The following STK32B variants were observed in gnomAD, a reference collection of about 807,000 sequenced individuals.
STK32B encodes the protein serine/threonine-protein kinase 32B.
STK32B carries 43 observed loss-of-function variants against 52.6 expected under a neutral mutation model. The ratio of observed to expected loss-of-function variants is 0.82; its 90% CI spans 0.64 to 1.05. The LOEUF is 1.05. Ranked by LOEUF, STK32B falls within the 50% of genes least tolerant of loss-of-function variation. The pLI is 0.00. For synonymous variants in STK32B, 238 were observed against 204.3 expected, an observed-to-expected ratio of 1.17 and a Z score of -1.41; for missense variants, 621 against 534.6, an observed-to-expected ratio of 1.16 and a Z score of -1.59.
At chr4:5,345,301 A>G (rs1232313146) in intron 4 of STK32B, 3 of 141,244 alleles carry the variant, frequency 2.1e-5, no homozygotes, top group Non-Finnish European at 4.6e-5. Context: ...ATGAAAAGTT[A>G]TAATTCTCCT....
At chr4:5,478,724 C>A (rs897743013) in intron 11 of STK32B, among the ~76,000 whole-genome samples, 3 of 152,300 alleles carry the variant, frequency 2.0e-5, no homozygotes, top group African/African-American at 4.8e-5. Flanking sequence ...TACCTTGGGG[C>A]TCCATAGAAG....
chr4:5,089,146 A>G (rs1175198314), intron 1 of STK32B, among the ~76,000 whole-genome samples: 2 of 152,172 alleles, frequency 1.3e-5, no homozygotes, highest in Non-Finnish European at 2.9e-5. Flanking sequence ...AAGGATTGTA[A>G]GAGAATATTA....
At chr4:5,404,222 C>T (rs1172226232) in intron 5 of STK32B, among the ~76,000 whole-genome samples, 5 of 152,120 alleles carry the variant, frequency 3.3e-5, no homozygotes, top group African/African-American at 4.8e-5. Flanking sequence ...TTCAGGATCA[C>T]GGTGTCAGCA....
At chr4:5,478,180 C>G (rs961258957) in intron 11 of STK32B, among the ~76,000 whole-genome samples, 4 of 152,110 alleles carry the variant, frequency 2.6e-5, no homozygotes, top group African/African-American at 9.7e-5. Flanking sequence ...CACTTTTCTC[C>G]CAAAGGATGG....
intron 3 of STK32B, among the ~76,000 whole-genome samples, chr4:5,240,600 C>T (rs1724956631): frequency 6.6e-6 from 1 of 152,128 alleles, no homozygotes; most frequent in Non-Finnish European, 1.5e-5. Flanking sequence ...GCTGAGACTA[C>T]AGGCATGTAC....
intron 1 of STK32B, among the ~76,000 whole-genome samples, chr4:5,102,364 G>C (rs1039253396): frequency 6.6e-6 from 1 of 152,160 alleles, no homozygotes; most frequent in Non-Finnish European, 1.5e-5. Context: ...GTGGCCATTG[G>C]CTAGAGAGGC....
At chr4:5,065,297 C>T (rs1742376508) in intron 1 of STK32B, among the ~76,000 whole-genome samples, 1 of 152,182 alleles carries the variant, frequency 6.6e-6, no homozygotes, top group Non-Finnish European at 1.5e-5. Flanking sequence ...TTCAGCAAAA[C>T]ACCTAGTCTC....
At chr4:5,414,586 A>T (rs913941722) in intron 5 of STK32B, among the ~76,000 whole-genome samples, 4 of 152,142 alleles carry the variant, frequency 2.6e-5, no homozygotes, top group African/African-American at 4.8e-5. Context: ...TCTTAGGCAC[A>T]CTCCATGATA....
chr4:5,249,746 C>T (rs530803712), intron 3 of STK32B, among the ~76,000 whole-genome samples: 18 of 151,958 alleles, frequency 1.2e-4, no homozygotes, highest in Non-Finnish European at 2.4e-4. Flanking sequence ...CTCAGTCTGG[C>T]TCTCTCTTAA....
chr4:5,317,201 ATT>A lies in STK32B; in HGVS notation c.261-14018_261-14017del, dbSNP rs1491472599. ...TAATATATATATATAACATATATAT[ATT>A]ATATATATAACATATATATATTATA... is the stretch of plus-strand genomic sequence containing the variant. On this transcript the variant is annotated intron_variant, in intron 3 of 11. Transcript: ENST00000282908. 4.7e-3 allele frequency among the ~76,000 whole-genome samples: 285 copies of A among 60,652 alleles called. 14 individuals carry two copies. The highest frequency in any genetic ancestry group is 0.018 in the Middle Eastern group (1 of 56). The allele number at this position is 60,652 out of a possible 152,430, so 39.8% of individuals were successfully genotyped here. A position where few individuals can be genotyped will look rare whatever the true frequency, so the allele number is the denominator to read the frequency against.
intron 3 of STK32B, among the ~76,000 whole-genome samples, chr4:5,253,445 G>C (rs991798125): frequency 5.3e-5 from 8 of 152,148 alleles, no homozygotes; most frequent in African/African-American, 1.7e-4. Flanking sequence ...CACGATCTCA[G>C]CTCACCGCAA....
intron 6 of STK32B, among the ~76,000 whole-genome samples, chr4:5,429,663 ATTCT>A (rs1713399051): frequency 1.3e-5 from 2 of 152,004 alleles, no homozygotes; most frequent in Admixed American, 6.6e-5. Flanking sequence ...CTATTTTCAT[ATTCT>A]TTCTTTGTGT....
At chr4:5,244,744 T>C (rs1241304189) in intron 3 of STK32B, among the ~76,000 whole-genome samples, 1 of 152,210 alleles carries the variant, frequency 6.6e-6, no homozygotes, top group Non-Finnish European at 1.5e-5. Context: ...ACACACTGCT[T>C]TGAATGTGTC....
intron 2 of STK32B, among the ~76,000 whole-genome samples, chr4:5,146,930 T>G (rs1172228439): frequency 6.6e-6 from 1 of 152,162 alleles, no homozygotes; most frequent in Non-Finnish European, 1.5e-5. Flanking sequence ...AATTTTGGAG[T>G]TGCTTATCAA....
intron 2 of STK32B, chr4:5,140,425 C>G (rs1393392645): frequency 1.5e-6 from 1 of 658,252 alleles, no homozygotes; most frequent in Non-Finnish European, 2.0e-6. Flanking sequence ...CCAGTCTGTT[C>G]CCACATACTC....
intron 3 of STK32B, among the ~76,000 whole-genome samples, chr4:5,325,283 A>G (rs1199004731): frequency 6.6e-6 from 1 of 151,988 alleles, no homozygotes; most frequent in African/African-American, 2.4e-5. Context: ...GAAATTTCCC[A>G]CTGATTTCAG....
intron 3 of STK32B, among the ~76,000 whole-genome samples, chr4:5,173,886 C>G (rs149151521): frequency 6.6e-6 from 1 of 152,102 alleles, no homozygotes; most frequent in Non-Finnish European, 1.5e-5. Context: ...ATTGATCTGT[C>G]TAATGTTGAC....
intron 3 of STK32B, among the ~76,000 whole-genome samples, chr4:5,303,560 T>C (rs1256401581): frequency 6.6e-6 from 1 of 152,156 alleles, no homozygotes; most frequent in Non-Finnish European, 1.5e-5. Context: ...TTTGTTTGAG[T>C]TCCTTGTAGA....
chr4:5,044,900 G>T, the STK32B span, among the ~76,000 whole-genome samples: 2 of 152,154 alleles, frequency 1.3e-5, no homozygotes, highest in Admixed American at 1.3e-4. Flanking sequence ...GACAGAGTGA[G>T]ATCCTGTCTC....
Sources: gnomAD v4.1 joint callset for allele counts (sites outside exome capture counted in the v4.1 genomes callset) on GRCh38, gnomAD v4.1.1 for gene constraint, MANE v1.5 for transcripts, NCBI Gene and HGNC (gene_info 2026-07-23, HGNC 2026-07-21) for gene names.